Variants in RASSF5 observed in about 807,000 individuals in gnomAD.
RASSF5 encodes Ras association domain family member 5, also known as ras association domain-containing protein 5.
RASSF5 carries 25 observed loss-of-function variants against 40.5 expected under a neutral mutation model. The observed-to-expected ratio is 0.62, with a 90% CI of 0.45 to 0.86. RASSF5 has a LOEUF of 0.86. Ranked by LOEUF, RASSF5 falls within the 40% of genes least tolerant of loss-of-function variation. The pLI, the probability that RASSF5 is intolerant of heterozygous loss-of-function variation, is 0.00. For missense variants in RASSF5, 521 were observed against 572.8 expected, an observed-to-expected ratio of 0.91 and a Z score of 0.92; for synonymous variants, 246 against 252.4, an observed-to-expected ratio of 0.97 and a Z score of 0.24.
intron 2 of RASSF5, among the ~76,000 whole-genome samples, chr1:206,551,420 C>G (rs1399221771): frequency 1.3e-5 from 2 of 152,194 alleles, no homozygotes; most frequent in African/African-American, 4.8e-5. Flanking sequence ...CTAGGCCGTC[C>G]CATCTGGGAC....
intron 2 of RASSF5, among the ~76,000 whole-genome samples, chr1:206,555,289 CT>C (rs1483507949): frequency 6.6e-6 from 1 of 152,092 alleles, no homozygotes; most frequent in Admixed American, 6.5e-5. Flanking sequence ...TTGTTATTAG[CT>C]GTATGTGAAG....
chr1:206,556,294 C>G (rs2210518), intron 2 of RASSF5, among the ~76,000 whole-genome samples: 128,089 of 152,262 alleles, frequency 0.84, 54,014 homozygotes, highest in East Asian at 1. Flanking sequence ...CCGAGCCTTA[C>G]TTTTCTCATC....
intron 2 of RASSF5, among the ~76,000 whole-genome samples, chr1:206,573,409 T>A (rs1668521960): frequency 6.6e-6 from 1 of 152,210 alleles, no homozygotes. Context: ...CTGCAGGTAT[T>A]TACTGAATCT....
chr1:206,557,390 G>A (rs1273579541), intron 2 of RASSF5: 1 of 1,366,226 alleles, frequency 7.3e-7, no homozygotes, highest in Non-Finnish European at 9.4e-7. Context: ...GCACCCCGCT[G>A]AAAGAAACGC....
chr1:206,527,041 G>A (rs1667114876), intron 1 of RASSF5, among the ~76,000 whole-genome samples: 1 of 152,174 alleles, frequency 6.6e-6, no homozygotes, highest in South Asian at 2.1e-4. Context: ...AGTTAACTGA[G>A]GTTAATTGTC....
chr1:206,512,832 C>A (rs552471633), intron 1 of RASSF5, among the ~76,000 whole-genome samples: 1 of 152,352 alleles, frequency 6.6e-6, no homozygotes, highest in South Asian at 2.1e-4. Context: ...AAGAAGAATT[C>A]TTTGCATGTC....
chr1:206,586,134 G>A (rs1312930039), intron 5 of RASSF5: 3 of 152,286 alleles, frequency 2.0e-5, no homozygotes, highest in Non-Finnish European at 4.4e-5. Context: ...GTGGACTTGA[G>A]GTTTCTCACT....
intron 2 of RASSF5, among the ~76,000 whole-genome samples, chr1:206,541,436 G>A (rs576584297): frequency 4.6e-5 from 7 of 152,238 alleles, no homozygotes; most frequent in African/African-American, 1.7e-4. Context: ...GTGTGGAAGC[G>A]GGCAGGAATG....
chr1:206,587,047 GAC>G lies in RASSF5; in HGVS notation c.*72_*73del, dbSNP rs1669147640. On this transcript the variant is annotated 3_prime_UTR_variant, in exon 6 of 6. Transcript: ENST00000579436. ...TATTATTAATTATTATTTTGCAACAGACACTTTTTCTCAGGACATCTCTGGCA... is the reference window on the plus strand; with the variant it reads ...TATTATTAATTATTATTTTGCAACAGACTTTTTCTCAGGACATCTCTGGCA... The G allele has an allele frequency of 6.4e-7, 1 of 1,572,102 alleles. No homozygotes were observed. Among genetic ancestry groups the G allele is most frequent in the Non-Finnish European group, 8.7e-7 (1 of 1,155,346 alleles).
intron 2 of RASSF5, among the ~76,000 whole-genome samples, chr1:206,540,635 C>G (rs143139055): frequency 6.7e-4 from 102 of 152,348 alleles, no homozygotes; most frequent in African/African-American, 2.2e-3. Flanking sequence ...TCAATAAAAC[C>G]TGGGCCCTGC....
At chr1:206,572,555 AC>A (rs1668485888) in intron 2 of RASSF5, 1 of 152,002 alleles carries the variant, frequency 6.6e-6, no homozygotes, top group Non-Finnish European at 1.5e-5. Flanking sequence ...TCCCGAGAAA[AC>A]CCTCAGCCCC....
intron 1 of RASSF5, among the ~76,000 whole-genome samples, chr1:206,523,735 TATA>T (rs1419170955): frequency 1.5e-4 from 15 of 97,434 alleles, no homozygotes; most frequent in Non-Finnish European, 2.7e-4. Context: ...ATATATTATA[TATA>T]ATATATTTTA....
chr1:206,573,000 A>G (rs951412189), intron 2 of RASSF5, among the ~76,000 whole-genome samples: 2 of 152,200 alleles, frequency 1.3e-5, no homozygotes, highest in Admixed American at 1.3e-4. Flanking sequence ...ACAAATGACT[A>G]CTGAAGATGA....
At chr1:206,539,203 C>T (rs1667488249) in intron 2 of RASSF5, among the ~76,000 whole-genome samples, 1 of 152,134 alleles carries the variant, frequency 6.6e-6, no homozygotes, top group South Asian at 2.1e-4. Flanking sequence ...TCACCATGTG[C>T]CAGGCCCAGG....
At chr1:206,536,214 T>C (rs1553398673) in intron 1 of RASSF5, among the ~76,000 whole-genome samples, 5 of 152,172 alleles carry the variant, frequency 3.3e-5, no homozygotes, top group Non-Finnish European at 7.3e-5. Flanking sequence ...TGTGGGTGCC[T>C]GCAGGTAGAT....
In RASSF5 at chr1:206,557,762, G is replaced by A. The variant is rs1295359551; in HGVS notation, c.579+19469G>A. On this transcript the variant is annotated intron_variant, in intron 2 of 5. Coordinates refer to ENST00000579436, the MANE Select transcript of RASSF5 (RefSeq NM_182663.4). ...TAACCTCTGTGGTCAATCTAGAAGG[G>A]AAACCTTGCTCCCAGCAAAGGGACA... 4.5e-6 allele frequency: 7 copies of A among 1,547,528 alleles called. No individual in the cohort carries two copies. In the African/African-American group the frequency reaches 9.5e-5, roughly 21 times the overall value.
chr1:206,511,461 G>A (rs782050237), intron 1 of RASSF5, among the ~76,000 whole-genome samples: 1 of 152,192 alleles, frequency 6.6e-6, no homozygotes, highest in African/African-American at 2.4e-5. Flanking sequence ...ACCAGGGGAT[G>A]GTCTGGCACT....
At chr1:206,557,838 C>CG (rs1668033665) in intron 2 of RASSF5, 1 of 849,546 alleles carries the variant, frequency 1.2e-6, no homozygotes, top group Non-Finnish European at 1.9e-6. Context: ...GGCTGAGCAT[C>CG]GTATCTGGAG....
chr1:206,518,080 T>C (rs1388102760), intron 1 of RASSF5, among the ~76,000 whole-genome samples: 1 of 152,222 alleles, frequency 6.6e-6, no homozygotes, highest in Admixed American at 6.5e-5. Context: ...ATTTTCAGAC[T>C]CACAGGCGCG....
Sources: gnomAD v4.1 joint callset for allele counts (sites outside exome capture counted in the v4.1 genomes callset) on GRCh38, gnomAD v4.1.1 for gene constraint, MANE v1.5 for transcripts, NCBI Gene and HGNC (gene_info 2026-07-23, HGNC 2026-07-21) for gene names.